Variants in ACLY observed in about 807,000 individuals in gnomAD.
The protein encoded by ACLY is ATP-citrate synthase.
A neutral mutation model predicts 133.0 loss-of-function variants in ACLY; 41 were observed. That is an observed-to-expected ratio of 0.31 (90% confidence interval 0.24 to 0.40). The LOEUF is 0.40. ACLY is among the 10% of genes least tolerant of loss of function. The probability of loss-of-function intolerance (pLI) is 1.00; values close to 1 mark genes in which losing one functional copy is unlikely to be tolerated. For missense variants in ACLY, 1,046 were observed against 1,453.8 expected, an observed-to-expected ratio of 0.72 and a Z score of 4.56; for synonymous variants, 495 against 549.3, an observed-to-expected ratio of 0.90 and a Z score of 1.38.
At chr17:41,919,017 G>A (rs997333209), upstream of ACLY, 36 of 1,284,290 alleles carry the variant, frequency 2.8e-5, no homozygotes, top group Admixed American at 8.4e-4. Context: ...GCCCCCATCG[G>A]CTCGCGGCGA....
In ACLY at chr17:41,909,052, TAAAA is replaced by T. The variant is rs1555633153; in HGVS notation, c.549_552del (p.Ser183ArgfsTer23). On this transcript the variant is annotated frameshift_variant, in exon 6 of 29. Transcript: ENST00000352035. LOFTEE classifies it high-confidence loss of function. ...TCGTAGAAATTGAAGAGGCCGGAGA[TAAAA>T]CTGGCCAGAATTCTAGAGGTGGGAG... 6.2e-7 allele frequency: 1 copy of T among 1,612,446 alleles called. No homozygotes were observed. Among genetic ancestry groups the T allele is most frequent in the Non-Finnish European group, 8.5e-7 (1 of 1,179,732 alleles).
chr17:41,921,220 C>T (rs2050178335), upstream of ACLY, among the ~76,000 whole-genome samples: 1 of 152,014 alleles, frequency 6.6e-6, no homozygotes, highest in South Asian at 2.1e-4. Flanking sequence ...ATTGCTTGAA[C>T]CCAGGAGGCA....
At chr17:41,906,777 C>T (rs1243008030) in intron 7 of ACLY, 131 bp from the exon 8 acceptor site, 8 of 782,878 alleles carry the variant, frequency 1.0e-5, no homozygotes, top group Middle Eastern at 2.9e-4. Context: ...GAAGGGGCTA[C>T]GCAGGGCCCC....
chr17:41,913,251 T>C (rs2049955470), intron 2 of ACLY, among the ~76,000 whole-genome samples: 1 of 152,234 alleles, frequency 6.6e-6, no homozygotes, highest in Admixed American at 6.5e-5. Context: ...TCACACTTCC[T>C]AATTGCCTTG....
At chr17:41,901,670 G>C in intron 11 of ACLY, 26 bp downstream of exon 11, 1 of 1,591,206 alleles carries the variant, frequency 6.3e-7, no homozygotes. Context: ...TCAGGGTGAG[G>C]GGGAGAGAAA....
chr17:41,891,593 T>G (rs2049214632), intron 16 of ACLY, among the ~76,000 whole-genome samples: 1 of 152,004 alleles, frequency 6.6e-6, no homozygotes, highest in Admixed American at 6.6e-5. Flanking sequence ...GGTCTTGCTT[T>G]GTTGGTCTCA....
intron 16 of ACLY, among the ~76,000 whole-genome samples, chr17:41,891,390 C>T (rs1281095683): frequency 2.0e-5 from 3 of 151,968 alleles, no homozygotes; most frequent in Non-Finnish European, 4.4e-5. Context: ...TGAGCCACCT[C>T]ATTTATTTAT....
At position 41,912,496 on chromosome 17, in the gene ACLY, A is replaced by G. The variant is rs2049933771; in HGVS notation, c.206T>C (p.Leu69Pro). The G allele has an allele frequency of 6.2e-7, 1 of 1,614,232 alleles. No individual in the cohort carries two copies. Among genetic ancestry groups the G allele is most frequent in the Non-Finnish European group, 8.5e-7 (1 of 1,180,034 alleles). ...PDQLIKRRGK[L>P]GLVGVNLTLD... ...AGTGAGGTTGACCCCAACGAGACCA[A>G]GTTTTCCACGACGTTTGATCAGCTG... Residue 69 changes from leucine (L) to proline (P), a missense_variant, in exon 3 of 29, where the codon CTT becomes CCT. Physicochemically the swap from Leu to Pro is moderately conservative, Grantham distance 98. Transcript: ENST00000352035.
intron 9 of ACLY, 135 bp from the exon 10 acceptor site, chr17:41,904,925 T>C (rs1177035612): frequency 3.9e-6 from 3 of 774,242 alleles, no homozygotes; most frequent in South Asian, 1.6e-5. Flanking sequence ...GGGGAGTGAG[T>C]AGGACAGTCT....
chr17:41,896,927 C>T (rs1217458608), intron 13 of ACLY, among the ~76,000 whole-genome samples: 1 of 152,232 alleles, frequency 6.6e-6, no homozygotes, highest in Non-Finnish European at 1.5e-5. Flanking sequence ...ACACCAGCGC[C>T]TCCCCCAGGC....
At chr17:41,869,244 C>T (rs540798686) in intron 26 of ACLY, 119 bp from the exon 27 acceptor site, 2 of 979,502 alleles carry the variant, frequency 2.0e-6, no homozygotes, top group Non-Finnish European at 1.6e-6. Context: ...TTCTACCAGC[C>T]CCACTGGTCG....
intron 17 of ACLY, 146 bp from the exon 18 acceptor site, chr17:41,886,454 T>G: frequency 2.6e-6 from 2 of 777,904 alleles, no homozygotes; most frequent in Non-Finnish European, 4.0e-6. Context: ...CCCACTGGGT[T>G]TCCTGCTTAG....
At chr17:41,895,611 AC>A (rs1331273236) in intron 14 of ACLY, among the ~76,000 whole-genome samples, 4 of 152,020 alleles carry the variant, frequency 2.6e-5, no homozygotes, top group African/African-American at 9.7e-5. Flanking sequence ...AACAAGGATA[AC>A]CCCCCTCCTC....
chr17:41,888,018 C>G (rs1333211613), intron 16 of ACLY, among the ~76,000 whole-genome samples: 1 of 152,036 alleles, frequency 6.6e-6, no homozygotes, highest in Non-Finnish European at 1.5e-5. Context: ...ATCCCAGCTA[C>G]TAGGGAGGCT....
chr17:41,900,044 G>C (rs76764092), intron 11 of ACLY, among the ~76,000 whole-genome samples: 6,508 of 130,384 alleles, frequency 0.05, 186 homozygotes, highest in East Asian at 0.12. Context: ...ACTCCAGCCT[G>C]GGTGACAGAG....
intron 20 of ACLY, 92 bp downstream of exon 20, chr17:41,883,030 T>C: frequency 9.5e-7 from 1 of 1,054,806 alleles, no homozygotes; most frequent in Non-Finnish European, 1.4e-6. Context: ...AGGAACTAGC[T>C]GCGAATTAAT....
At chr17:41,925,473 T>C (rs1598058757) in intron 1 of ACLY, among the ~76,000 whole-genome samples, 1 of 146,558 alleles carries the variant, frequency 6.8e-6, no homozygotes, top group South Asian at 2.1e-4. Context: ...TAGCAGGGTG[T>C]GATGGCATGC....
Position 41,871,697 on chromosome 17 carries a change from C to T in ACLY, c.2929G>A (p.Val977Met). The change falls in exon 25 of 29, where the codon GTG (valine) becomes ATG (methionine). Residue 977 changes from valine (V) to methionine (M), a missense_variant. This residue lies in a region of ACLY where 205 missense variants were observed against 373.3 expected (regional missense o/e 0.55). Coordinates refer to ENST00000352035, the MANE Select transcript of ACLY (RefSeq NM_001096.3). ...GGAGAGTAACAACTCACCGACTTCA[C>T]TCGGTGACCAATGCCCATGATCAGC... ...GKLIMGIGHRVKSINNPDMRV... is the reference protein window; with the variant it reads ...GKLIMGIGHRMKSINNPDMRV... The T allele has an allele frequency of 6.2e-7, 1 of 1,614,106 alleles. No homozygotes were observed. The highest frequency in any genetic ancestry group is 8.5e-7 in the Non-Finnish European group (1 of 1,180,024).
At chr17:41,910,695 G>A (rs906254871) in intron 3 of ACLY, among the ~76,000 whole-genome samples, 1 of 152,210 alleles carries the variant, frequency 6.6e-6, no homozygotes, top group Non-Finnish European at 1.5e-5. Context: ...ATGGGTCCGG[G>A]CGCAGGGAAT....
Sources: gnomAD v4.1 joint callset for allele counts (sites outside exome capture counted in the v4.1 genomes callset) on GRCh38, gnomAD v4.1.1 for gene constraint, gnomAD v4.1.1 regional missense constraint, MANE v1.5 for transcripts, NCBI Gene and HGNC (gene_info 2026-07-23, HGNC 2026-07-21) for gene names.